Variants in AFG2A observed in about 807,000 individuals in gnomAD.
AFG2A encodes AAA ATPase AFG2A, also known as ATPase family gene 2 protein homolog A.
chr4:123,305,694 G>A, the AFG2A span, among the ~76,000 whole-genome samples: 10 of 152,154 alleles, frequency 6.6e-5, no homozygotes, highest in South Asian at 2.1e-3. Context: ...TTTTTATCAC[G>A]TCATTTTTTT....
chr4:123,208,670 A>G, the AFG2A span, among the ~76,000 whole-genome samples: 1 of 152,214 alleles, frequency 6.6e-6, no homozygotes, highest in African/African-American at 2.4e-5. Context: ...AGAAGGTACC[A>G]AAGTCTTTAG....
chr4:123,029,433 A>G, the AFG2A span, among the ~76,000 whole-genome samples: 2 of 152,230 alleles, frequency 1.3e-5, no homozygotes, highest in African/African-American at 4.8e-5. Context: ...ACAAAACTTC[A>G]GAGTAGTTTG....
the AFG2A span, among the ~76,000 whole-genome samples, chr4:123,250,480 G>T: frequency 6.6e-6 from 1 of 152,290 alleles, no homozygotes; most frequent in Non-Finnish European, 1.5e-5. Flanking sequence ...ATAATTTTTA[G>T]TCTGGAGCAC....
At chr4:123,020,670 T>G in the AFG2A span, among the ~76,000 whole-genome samples, 3 of 152,314 alleles carry the variant, frequency 2.0e-5, no homozygotes, top group African/African-American at 7.2e-5. Context: ...TTACATAAAT[T>G]TTCAGAAAAT....
At chr4:123,034,571 G>GGA in the AFG2A span, among the ~76,000 whole-genome samples, 1 of 135,138 alleles carries the variant, frequency 7.4e-6, no homozygotes, top group Non-Finnish European at 1.5e-5. Context: ...ATGCTGGAAT[G>GGA]AAAAAAAAAA....
the AFG2A span, among the ~76,000 whole-genome samples, chr4:123,243,531 G>A: frequency 6.6e-6 from 1 of 152,094 alleles, no homozygotes; most frequent in Non-Finnish European, 1.5e-5. Context: ...CTCACTCATA[G>A]GTGGGAATTG....
At chr4:123,232,183 A>C in the AFG2A span, among the ~76,000 whole-genome samples, 1 of 152,024 alleles carries the variant, frequency 6.6e-6, no homozygotes, top group Non-Finnish European at 1.5e-5. Context: ...TAGTGCAATA[A>C]AATGAGGTGT....
chr4:123,035,816 A>G, the AFG2A span, among the ~76,000 whole-genome samples: 7 of 152,128 alleles, frequency 4.6e-5, no homozygotes, highest in Non-Finnish European at 7.4e-5. Flanking sequence ...AACCTTTAGC[A>G]TTTGGAATCT....
chr4:123,072,683 G>A, the AFG2A span, among the ~76,000 whole-genome samples: 5 of 152,174 alleles, frequency 3.3e-5, no homozygotes, highest in East Asian at 9.6e-4. Flanking sequence ...AAACACTAGG[G>A]AAAAATGCAG....
chr4:123,069,063 C>G, the AFG2A span, among the ~76,000 whole-genome samples: 1 of 152,140 alleles, frequency 6.6e-6, no homozygotes, highest in Non-Finnish European at 1.5e-5. Context: ...GGGTTCGACT[C>G]ACAAAACTTT....
At chr4:123,287,562 ATATCT>A in the AFG2A span, among the ~76,000 whole-genome samples, 3 of 152,228 alleles carry the variant, frequency 2.0e-5, no homozygotes, top group Non-Finnish European at 4.4e-5. Flanking sequence ...ATTAAGTCAG[ATATCT>A]TATTTTATGC....
chr4:123,188,143 A>G, the AFG2A span, among the ~76,000 whole-genome samples: 1 of 152,058 alleles, frequency 6.6e-6, no homozygotes. Flanking sequence ...AACACATCTT[A>G]GGTAGACCAT....
the AFG2A span, among the ~76,000 whole-genome samples, chr4:123,167,859 A>G: frequency 2.6e-5 from 4 of 152,228 alleles, no homozygotes; most frequent in African/African-American, 7.2e-5. Context: ...TAAGATCTTC[A>G]GCTGATTGAG....
chr4:123,148,246 T>C, the AFG2A span, among the ~76,000 whole-genome samples: 791 of 152,330 alleles, frequency 5.2e-3, 11 homozygotes, highest in Non-Finnish European at 7.9e-3. Flanking sequence ...TTTTTAAGTA[T>C]ACATACAGTT....
At chr4:123,253,523 AC>A in the AFG2A span, among the ~76,000 whole-genome samples, 1 of 150,658 alleles carries the variant, frequency 6.6e-6, no homozygotes, top group African/African-American at 2.4e-5. Flanking sequence ...GGTGGTGCAT[AC>A]CTGTGGTCCC....
chr4:123,182,053 A>AG, the AFG2A span, among the ~76,000 whole-genome samples: 1 of 152,154 alleles, frequency 6.6e-6, no homozygotes, highest in African/African-American at 2.4e-5. Flanking sequence ...TGAAACTCTG[A>AG]GTTTCTACTT....
the AFG2A span, among the ~76,000 whole-genome samples, chr4:123,182,384 T>C: frequency 6.6e-6 from 1 of 152,182 alleles, no homozygotes; most frequent in Non-Finnish European, 1.5e-5. Context: ...AACTTATACC[T>C]AGGTTTTAAT....
the AFG2A span, among the ~76,000 whole-genome samples, chr4:123,019,109 G>T: frequency 6.6e-6 from 1 of 151,820 alleles, no homozygotes; most frequent in African/African-American, 2.4e-5. Flanking sequence ...TTTACCACAT[G>T]CCAGGCAAAG....
chr4:123,253,576 G>C, the AFG2A span, among the ~76,000 whole-genome samples: 6 of 152,122 alleles, frequency 3.9e-5, no homozygotes, highest in African/African-American at 1.4e-4. Flanking sequence ...CTTGAGTGCA[G>C]GAGGTGGAGA....
Sources: gnomAD v4.1 joint callset for allele counts (sites outside exome capture counted in the v4.1 genomes callset) on GRCh38, gnomAD v4.1.1 for gene constraint, MANE v1.5 for transcripts, NCBI Gene and HGNC (gene_info 2026-07-23, HGNC 2026-07-21) for gene names.